The following KCNH7 variants were observed in gnomAD, a reference collection of about 807,000 sequenced individuals.
The protein encoded by KCNH7 is potassium voltage-gated channel subfamily H member 7, also known as voltage-gated inwardly rectifying potassium channel KCNH7.
A neutral mutation model predicts 120.8 loss-of-function variants in KCNH7; 49 were observed. That is an observed-to-expected ratio of 0.41 (90% confidence interval 0.32 to 0.51). KCNH7 has a LOEUF of 0.51. Ranked by LOEUF, KCNH7 falls within the 20% of genes least tolerant of loss-of-function variation. The pLI is 0.38. For synonymous variants in KCNH7, 547 were observed against 516.1 expected, an observed-to-expected ratio of 1.06 and a Z score of -0.81; for missense variants, 1,097 against 1,446.6, an observed-to-expected ratio of 0.76 and a Z score of 3.92.
At chr2:162,831,983 T>C (rs1187203412) in intron 2 of KCNH7, among the ~76,000 whole-genome samples, 1 of 152,154 alleles carries the variant, frequency 6.6e-6, no homozygotes, top group Admixed American at 6.6e-5. Flanking sequence ...GAAGAGCATT[T>C]CTTAAGAATG....
At chr2:162,760,432 T>G (rs752743054) in intron 2 of KCNH7, among the ~76,000 whole-genome samples, 14 of 152,150 alleles carry the variant, frequency 9.2e-5, no homozygotes, top group Non-Finnish European at 2.1e-4. Context: ...TTATTCAATC[T>G]TCAGACATGC....
intron 2 of KCNH7, among the ~76,000 whole-genome samples, chr2:162,631,577 A>C (rs1683769191): frequency 6.6e-6 from 1 of 151,934 alleles, no homozygotes; most frequent in African/African-American, 2.4e-5. Flanking sequence ...AAATCTGTGA[A>C]GAAAAAGGTT....
Position 162,838,713 on chromosome 2 carries a change from C to A in KCNH7, c.-195G>T. On this transcript the variant is annotated 5_prime_UTR_variant, in exon 1 of 16. Transcript: ENST00000332142. ...CCACCGGAGTCCAATCCATTCCCCT[C>A]ACCTTCCGGAGGGGGCCTCGCACCG... 1 of 451,934 alleles carries A rather than the reference C, an allele frequency of 2.2e-6. No homozygotes were observed. The highest frequency in any genetic ancestry group is 3.9e-6 in the Non-Finnish European group (1 of 254,104). 28.0% of individuals were successfully genotyped at this position (451,934 alleles called of 1,614,324 possible).
Position 162,517,853 on chromosome 2 carries a change from G to T in KCNH7, c.769C>A (p.Gln257Lys), listed in dbSNP as rs142897098. Reference sequence around the variant, plus strand: ...TCCCTTGATCTGGAATGGGACAGCTGGGAACTTGACTGCAGCATGTCAGGG... The same window carrying T: ...TCCCTTGATCTGGAATGGGACAGCTTGGAACTTGACTGCAGCATGTCAGGG... ...LYPDMLQSSS[Q>K]LSHSRSRESL... Residue 257 changes from glutamine (Q) to lysine (K), a missense_variant, in exon 4 of 16, where the codon CAG becomes AAG. This residue lies in a region of KCNH7 where 362 missense variants were observed against 372.2 expected (regional missense o/e 0.97). Coordinates refer to ENST00000332142, the MANE Select transcript of KCNH7 (RefSeq NM_033272.4). 25 of 1,612,210 alleles carry T rather than the reference G, an allele frequency of 1.6e-5. No homozygotes were observed. Among genetic ancestry groups the T allele is most frequent in the Non-Finnish European group, 2.1e-5 (25 of 1,178,904 alleles).
At chr2:162,709,013 A>T (rs921433796) in intron 2 of KCNH7, among the ~76,000 whole-genome samples, 1 of 152,120 alleles carries the variant, frequency 6.6e-6, no homozygotes, top group Non-Finnish European at 1.5e-5. Context: ...AATCAAGGTT[A>T]GACTTTATGA....
chr2:162,383,923 C>CATAA (rs1354266260), intron 13 of KCNH7, among the ~76,000 whole-genome samples: 2 of 151,712 alleles, frequency 1.3e-5, no homozygotes, highest in Non-Finnish European at 2.9e-5. Context: ...TACCCAAAGA[C>CATAA]ATAAAGGGAG....
intron 2 of KCNH7, among the ~76,000 whole-genome samples, chr2:162,545,777 A>G (rs1271407671): frequency 6.6e-6 from 1 of 152,176 alleles, no homozygotes; most frequent in Non-Finnish European, 1.5e-5. Flanking sequence ...CTCTATTAAT[A>G]TTCTGCACAA....
chr2:162,828,477 T>A (rs965053562), intron 2 of KCNH7, among the ~76,000 whole-genome samples: 1 of 152,120 alleles, frequency 6.6e-6, no homozygotes, highest in African/African-American at 2.4e-5. Flanking sequence ...CTTGAACTCA[T>A]GCAGTTATTA....
intron 2 of KCNH7, among the ~76,000 whole-genome samples, chr2:162,775,827 G>T (rs2105481403): frequency 6.6e-6 from 1 of 152,314 alleles, no homozygotes; most frequent in South Asian, 2.1e-4. Context: ...TAAAGTGCAT[G>T]TTGAGAGTGG....
chr2:162,379,694 C>A (rs1423662211), intron 14 of KCNH7, among the ~76,000 whole-genome samples, 159 bp downstream of exon 14: 1 of 152,130 alleles, frequency 6.6e-6, no homozygotes, highest in Non-Finnish European at 1.5e-5. Context: ...CTCCTTTCAA[C>A]ACAAATTATT....
chr2:162,561,762 G>A (rs1350024515), intron 2 of KCNH7, among the ~76,000 whole-genome samples: 4 of 152,102 alleles, frequency 2.6e-5, no homozygotes, highest in South Asian at 2.1e-4. Flanking sequence ...ACATGCACAC[G>A]TATGTTTACT....
At chr2:162,467,780 A>G (rs1441123168) in intron 6 of KCNH7, among the ~76,000 whole-genome samples, 1 of 152,214 alleles carries the variant, frequency 6.6e-6, no homozygotes, top group South Asian at 2.1e-4. Context: ...TGGGTTGCTT[A>G]TAAACCATGG....
rs368657535 is a variant in KCNH7, at chr2:162,572,733, T to C, written c.308-35653A>G. Among the ~76,000 whole-genome samples the C allele has an allele frequency of 2.2e-4, 31 of 141,310 alleles. No individual in the cohort carries two copies. The East Asian group carries it at 5.5e-3, about 25-fold the overall frequency. The allele number at this position is 141,310 out of a possible 152,430, so 92.7% of individuals were successfully genotyped here. A position where few individuals can be genotyped will look rare whatever the true frequency, so the allele number is the denominator to read the frequency against. Reference sequence around the variant, plus strand: ...TATGCAGCCATAAAAAATGATGAGTTCACGTCCTTTGTAGGGACATGGATG... The same window carrying C: ...TATGCAGCCATAAAAAATGATGAGTCCACGTCCTTTGTAGGGACATGGATG... On this transcript the variant is annotated intron_variant, in intron 2 of 15. Transcript: ENST00000332142.
At chr2:162,657,361 T>A (rs1400076753) in intron 2 of KCNH7, among the ~76,000 whole-genome samples, 4 of 152,214 alleles carry the variant, frequency 2.6e-5, no homozygotes, top group Non-Finnish European at 4.4e-5. Flanking sequence ...TGTTTGACTT[T>A]CTTCATGGTT....
At chr2:162,832,651 A>G (rs1455490698) in intron 2 of KCNH7, among the ~76,000 whole-genome samples, 1 of 152,120 alleles carries the variant, frequency 6.6e-6, no homozygotes, top group African/African-American at 2.4e-5. Context: ...CTGGAAGCAG[A>G]GATCAGGTTG....
chr2:162,434,941 G>A (rs926243746), intron 8 of KCNH7, among the ~76,000 whole-genome samples: 4 of 151,834 alleles, frequency 2.6e-5, no homozygotes, highest in African/African-American at 9.7e-5. Context: ...CAGTAAAACT[G>A]GACTGCAAGT....
intron 6 of KCNH7, among the ~76,000 whole-genome samples, chr2:162,458,946 G>A (rs1337510311): frequency 1.3e-5 from 2 of 151,364 alleles, no homozygotes; most frequent in Non-Finnish European, 2.9e-5. Context: ...GGTTGAGGCT[G>A]CAGTGAGCCA....
At chr2:162,551,685 C>G (rs1245800160) in intron 2 of KCNH7, among the ~76,000 whole-genome samples, 1 of 151,954 alleles carries the variant, frequency 6.6e-6, no homozygotes, top group Non-Finnish European at 1.5e-5. Context: ...GAATGTATTG[C>G]ACGTATTGGA....
At chr2:162,717,517 C>T (rs901784425) in intron 2 of KCNH7, among the ~76,000 whole-genome samples, 15 of 152,080 alleles carry the variant, frequency 9.9e-5, no homozygotes, top group Non-Finnish European at 7.4e-5. Context: ...CTTCAAAGTC[C>T]TCAGAATCTA....
Sources: gnomAD v4.1 joint callset for allele counts (sites outside exome capture counted in the v4.1 genomes callset) on GRCh38, gnomAD v4.1.1 for gene constraint, gnomAD v4.1.1 regional missense constraint, MANE v1.5 for transcripts, NCBI Gene and HGNC (gene_info 2026-07-23, HGNC 2026-07-21) for gene names.